The following WWOX variants were observed in gnomAD, a reference collection of about 807,000 sequenced individuals.
WWOX encodes the protein WW domain containing oxidoreductase, also known as WW domain-containing oxidoreductase.
A neutral mutation model predicts 46.2 loss-of-function variants in WWOX; 69 were observed. That is an observed-to-expected ratio of 1.49 (90% CI 1.23 to 1.82). WWOX has a LOEUF of 1.82. Ranked by LOEUF, WWOX falls within the 40% of genes most tolerant of loss-of-function variation. The pLI is 0.00. For missense variants in WWOX, 919 were observed against 542.6 expected (o/e 1.69, Z -6.89); for synonymous variants, 359 against 202.6 (o/e 1.77, Z -6.56).
At chr16:79,022,880 T>C (rs1402510639) in intron 8 of WWOX, among the ~76,000 whole-genome samples, 1 of 152,166 alleles carries the variant, frequency 6.6e-6, no homozygotes, top group Non-Finnish European at 1.5e-5. Context: ...TTGTGACCTT[T>C]CTGCAGGTTA....
chr16:79,192,787 C>G (rs2051162658), intron 8 of WWOX, among the ~76,000 whole-genome samples: 1 of 152,172 alleles, frequency 6.6e-6, no homozygotes, highest in Non-Finnish European at 1.5e-5. Flanking sequence ...GCCCACCCAT[C>G]CCGTTTCACA....
chr16:78,423,843 CAAA>C, intron 6 of WWOX, among the ~76,000 whole-genome samples: 1 of 79,984 alleles, frequency 1.3e-5, no homozygotes, highest in Non-Finnish European at 2.7e-5. Flanking sequence ...AAGATCTTGT[CAAA>C]AAAAAAAAAA....
chr16:78,299,953 A>G (rs867470335), intron 5 of WWOX, among the ~76,000 whole-genome samples: 1 of 152,322 alleles, frequency 6.6e-6, no homozygotes, highest in Middle Eastern at 3.4e-3. Context: ...TGCCGAGTCC[A>G]AGAGATTGTG....
At chr16:78,567,312 G>A (rs1003011214) in intron 8 of WWOX, among the ~76,000 whole-genome samples, 6 of 152,062 alleles carry the variant, frequency 3.9e-5, no homozygotes, top group East Asian at 3.9e-4. Flanking sequence ...TTGGGAGGCC[G>A]AGGTGGGTGG....
intron 8 of WWOX, among the ~76,000 whole-genome samples, chr16:79,054,416 G>A (rs764097391): frequency 7.2e-5 from 11 of 152,156 alleles, no homozygotes; most frequent in East Asian, 1.9e-4. Context: ...TGCTTTTGGC[G>A]TGATTTCCAT....
chr16:79,009,406 G>T (rs2047258114), intron 8 of WWOX, among the ~76,000 whole-genome samples: 1 of 152,154 alleles, frequency 6.6e-6, no homozygotes, highest in South Asian at 2.1e-4. Flanking sequence ...GCTACGGTTG[G>T]GAAGAGAGGA....
intron 8 of WWOX, among the ~76,000 whole-genome samples, chr16:79,199,318 C>T (rs1293873132): frequency 2.6e-5 from 4 of 152,188 alleles, no homozygotes; most frequent in Non-Finnish European, 5.9e-5. Flanking sequence ...CTGCCTTGGC[C>T]TCCCAAAGTG....
At chr16:79,186,866 A>C (rs2051026118) in intron 8 of WWOX, among the ~76,000 whole-genome samples, 1 of 152,082 alleles carries the variant, frequency 6.6e-6, no homozygotes, top group South Asian at 2.1e-4. Context: ...TCCCCCAGCC[A>C]GTTTTTCAAC....
At chr16:78,383,252 GT>G (rs2081993190) in intron 5 of WWOX, among the ~76,000 whole-genome samples, 1 of 152,068 alleles carries the variant, frequency 6.6e-6, no homozygotes, top group Non-Finnish European at 1.5e-5. Context: ...AGTAAATTGT[GT>G]TGTGTTGATG....
At chr16:78,143,139 A>G (rs118117434) in intron 4 of WWOX, among the ~76,000 whole-genome samples, 2,502 of 152,342 alleles carry the variant, frequency 0.016, 35 homozygotes, top group Middle Eastern at 0.041. Flanking sequence ...AAACTGTGTA[A>G]TAAGATTTTG....
intron 8 of WWOX, among the ~76,000 whole-genome samples, chr16:78,773,753 C>G (rs973698193): frequency 6.6e-6 from 1 of 152,056 alleles, no homozygotes; most frequent in African/African-American, 2.4e-5. Flanking sequence ...GGGCAGGAGG[C>G]GACAAACAAA....
intron 8 of WWOX, among the ~76,000 whole-genome samples, chr16:78,928,745 C>T (rs1262411185): frequency 3.3e-5 from 5 of 152,082 alleles, no homozygotes; most frequent in African/African-American, 1.2e-4. Flanking sequence ...ACCTGCATTG[C>T]TGTGTTTCTG....
intron 8 of WWOX, among the ~76,000 whole-genome samples, chr16:78,727,244 C>G (rs780145009): frequency 4.6e-5 from 7 of 152,114 alleles, no homozygotes; most frequent in Non-Finnish European, 7.4e-5. Flanking sequence ...ACTAGAAATA[C>G]AAAAATTAGC....
intron 8 of WWOX, among the ~76,000 whole-genome samples, chr16:78,785,846 T>C (rs1272362092): frequency 6.6e-6 from 1 of 152,176 alleles, no homozygotes; most frequent in African/African-American, 2.4e-5. Flanking sequence ...TTTTTTCTGC[T>C]ACTCATAATG....
chr16:78,677,209 C>G (rs111295426), intron 8 of WWOX, among the ~76,000 whole-genome samples: 1 of 152,116 alleles, frequency 6.6e-6, no homozygotes, highest in Admixed American at 6.5e-5. Context: ...TCAGGCTCTT[C>G]TCAAACCTGA....
intron 8 of WWOX, among the ~76,000 whole-genome samples, chr16:78,970,888 A>G (rs1201869495): frequency 6.6e-6 from 1 of 152,024 alleles, no homozygotes; most frequent in Non-Finnish European, 1.5e-5. Flanking sequence ...AAATATAATC[A>G]GATGATTTGT....
chr16:78,423,751 T>G (rs2083007715), intron 6 of WWOX, among the ~76,000 whole-genome samples: 1 of 149,764 alleles, frequency 6.7e-6, no homozygotes, highest in Non-Finnish European at 1.5e-5. Context: ...GAGGCTAAGG[T>G]GGAAGGATCG....
At position 78,286,540 on chromosome 16, in the gene WWOX, G is replaced by A. The variant is rs375133556; in HGVS notation, c.517-100320G>A. Among the ~76,000 whole-genome samples, 17 of 152,116 alleles carry A rather than the reference G, an allele frequency of 1.1e-4. No individual in the cohort carries two copies. In the South Asian group the frequency reaches 2.1e-3, roughly 19 times the overall value. Reference sequence around the variant, plus strand: ...CAGAAAAATAATACATGATGTCTTCGTTTGTAATTAAGGAAAATGTGATCG... The same window carrying A: ...CAGAAAAATAATACATGATGTCTTCATTTGTAATTAAGGAAAATGTGATCG... On this transcript the variant is annotated intron_variant, in intron 5 of 8. Transcript: ENST00000566780.
intron 8 of WWOX, among the ~76,000 whole-genome samples, chr16:79,141,363 C>A (rs1232116348): frequency 6.6e-6 from 1 of 152,176 alleles, no homozygotes. Flanking sequence ...GCTCTGACCA[C>A]TTTGGGCATG....
Sources: allele counts gnomAD v4.1 joint callset (sites outside exome capture counted in the v4.1 genomes callset), GRCh38; gene constraint gnomAD v4.1.1; transcripts MANE v1.5; gene names NCBI Gene and HGNC (gene_info 2026-07-23, HGNC 2026-07-21).